SUGCT: variants seen among roughly 807,000 people sequenced by gnomAD.
The protein encoded by SUGCT is succinyl-CoA:glutarate-CoA transferase, also known as succinyl-CoA:glutarate CoA-transferase.
SUGCT carries 41 observed loss-of-function variants against 55.0 expected under a neutral mutation model. The ratio of observed to expected loss-of-function variants is 0.74; its 90% CI spans 0.58 to 0.97. The LOEUF is 0.97. Among genes scored for constraint, SUGCT ranks in the 50% least tolerant of loss-of-function variants. The probability of loss-of-function intolerance (pLI) is 0.00; values close to 1 mark genes in which losing one functional copy is unlikely to be tolerated. For missense variants in SUGCT, 568 were observed against 547.8 expected (o/e 1.04, Z -0.37); for synonymous variants, 187 against 200.4 (o/e 0.93, Z 0.56).
intron 12 of SUGCT, among the ~76,000 whole-genome samples, chr7:40,718,158 T>TA (rs774101053): frequency 2.0e-5 from 3 of 152,208 alleles, no homozygotes; most frequent in Non-Finnish European, 4.4e-5. Context: ...CATTCTGATA[T>TA]AAAAACTAGC....
intron 13 of SUGCT, among the ~76,000 whole-genome samples, chr7:40,842,500 A>G (rs148385563): frequency 2.3e-4 from 35 of 152,306 alleles, no homozygotes; most frequent in African/African-American, 7.5e-4. Context: ...CAACACCCAG[A>G]TGATAAAACC....
intron 12 of SUGCT, among the ~76,000 whole-genome samples, chr7:40,536,655 T>C (rs1469316009): frequency 6.6e-6 from 1 of 152,180 alleles, no homozygotes; most frequent in Non-Finnish European, 1.5e-5. Context: ...TTGGCTAGGC[T>C]CTGGAAATAC....
rs139209607 is a variant in SUGCT, at chr7:40,352,740, C to T, written c.816+35885C>T. 5.9e-4 allele frequency among the ~76,000 whole-genome samples: 90 copies of T among 152,196 alleles called. No individual in the cohort carries two copies. The East Asian group carries it at 0.014, about 24-fold the overall frequency. The stretch of plus-strand genomic sequence containing the variant: ...TTGTGAGTAATGCGATGAACATACG[C>T]GTGCGTGTGTCTTTATGGTAGAATG... On this transcript the variant is annotated intron_variant, in intron 9 of 13. Coordinates refer to ENST00000335693, the MANE Select transcript of SUGCT (RefSeq NM_001193313.2).
chr7:40,545,350 T>C (rs1170651843), intron 12 of SUGCT, among the ~76,000 whole-genome samples: 1 of 152,212 alleles, frequency 6.6e-6, no homozygotes, highest in African/African-American at 2.4e-5. Flanking sequence ...TGAGCCTTCC[T>C]TTCTTCTTTC....
chr7:40,912,621 G>T, the SUGCT span, among the ~76,000 whole-genome samples: 1 of 151,940 alleles, frequency 6.6e-6, no homozygotes, highest in Admixed American at 6.6e-5. Context: ...GTCCTAGATG[G>T]GCCTGTGCTG....
chr7:40,276,133 T>C (rs555148262), intron 8 of SUGCT, among the ~76,000 whole-genome samples: 1 of 152,316 alleles, frequency 6.6e-6, no homozygotes, highest in South Asian at 2.1e-4. Flanking sequence ...AATGAAATAC[T>C]ATGTATGGGT....
intron 9 of SUGCT, among the ~76,000 whole-genome samples, chr7:40,335,135 A>G (rs1035379375): frequency 1.3e-5 from 2 of 152,200 alleles, no homozygotes; most frequent in African/African-American, 2.4e-5. Flanking sequence ...TACCAGTACC[A>G]TGCTGTTTTG....
chr7:40,485,875 C>T (rs543511846), intron 11 of SUGCT, among the ~76,000 whole-genome samples: 1 of 151,956 alleles, frequency 6.6e-6, no homozygotes, highest in South Asian at 2.1e-4. Flanking sequence ...TCTTTGTATC[C>T]CTGGGATAAT....
At chr7:40,835,890 CTTT>C (rs1011199588) in intron 13 of SUGCT, among the ~76,000 whole-genome samples, 3 of 136,074 alleles carry the variant, frequency 2.2e-5, no homozygotes, top group African/African-American at 2.7e-5. Context: ...TCTTTTTTTT[CTTT>C]TTTTTTTTTT....
At chr7:40,792,468 G>C (rs1482493252) in intron 13 of SUGCT, among the ~76,000 whole-genome samples, 1 of 152,050 alleles carries the variant, frequency 6.6e-6, no homozygotes, top group Non-Finnish European at 1.5e-5. Context: ...TATTTCAAGG[G>C]ATCTCCAATT....
intron 9 of SUGCT, among the ~76,000 whole-genome samples, chr7:40,376,719 G>T (rs1022722772): frequency 6.7e-6 from 1 of 148,170 alleles, no homozygotes; most frequent in Admixed American, 6.9e-5. Flanking sequence ...ATGTCTTCTC[G>T]TGTCAACATA....
intron 8 of SUGCT, among the ~76,000 whole-genome samples, chr7:40,315,881 G>T (rs1795402362): frequency 6.6e-6 from 1 of 152,058 alleles, no homozygotes; most frequent in African/African-American, 2.4e-5. Context: ...CCATAGTTCT[G>T]TGGTGGTGGA....
chr7:40,179,874 G>T (rs1291673805), intron 1 of SUGCT, among the ~76,000 whole-genome samples: 3 of 152,216 alleles, frequency 2.0e-5, no homozygotes, highest in Admixed American at 1.3e-4. Context: ...AAACAAGGCA[G>T]ATGTCCAAGC....
At chr7:40,300,435 A>G (rs1041054729) in intron 8 of SUGCT, among the ~76,000 whole-genome samples, 8 of 152,220 alleles carry the variant, frequency 5.3e-5, no homozygotes, top group Non-Finnish European at 1.0e-4. Context: ...TAAAGGGTGA[A>G]TGGAAGATAT....
chr7:40,567,803 G>C (rs1314810652), intron 12 of SUGCT, among the ~76,000 whole-genome samples: 3 of 152,174 alleles, frequency 2.0e-5, no homozygotes, highest in Admixed American at 2.0e-4. Context: ...CTTCAGACTA[G>C]GTAACTCCTG....
intron 11 of SUGCT, 143 bp from the exon 12 acceptor site, chr7:40,496,141 A>G (rs1003571278): frequency 3.1e-5 from 18 of 575,112 alleles, no homozygotes; most frequent in Non-Finnish European, 4.9e-5. Flanking sequence ...CATACAGACA[A>G]CCTTCTCTCA....
chr7:40,982,502 A>G, the SUGCT span, among the ~76,000 whole-genome samples: 19 of 152,298 alleles, frequency 1.2e-4, no homozygotes, highest in Admixed American at 3.3e-4. Context: ...GACATAAACA[A>G]TAGCAGTTTA....
chr7:40,471,792 T>C (rs925342646), intron 11 of SUGCT, among the ~76,000 whole-genome samples: 1 of 151,904 alleles, frequency 6.6e-6, no homozygotes, highest in African/African-American at 2.4e-5. Flanking sequence ...ATTGAAAATA[T>C]AAGGTGGGAA....
intron 12 of SUGCT, among the ~76,000 whole-genome samples, chr7:40,622,895 T>C (rs1167008336): frequency 6.6e-6 from 1 of 152,162 alleles, no homozygotes; most frequent in African/African-American, 2.4e-5. Context: ...AACCTTGGGC[T>C]AATATTCTGC....
Sources: allele counts gnomAD v4.1 joint callset (sites outside exome capture counted in the v4.1 genomes callset), GRCh38; gene constraint gnomAD v4.1.1; transcripts MANE v1.5; gene names NCBI Gene and HGNC (gene_info 2026-07-23, HGNC 2026-07-21).